RSF1: variants seen among roughly 807,000 people sequenced by gnomAD.
RSF1 encodes HBV pX-associated protein 8.
RSF1 carries 13 observed loss-of-function variants against 145.2 expected under a neutral mutation model. The ratio of observed to expected loss-of-function variants is 0.09; its 90% CI spans 0.06 to 0.14. The LOEUF is 0.14. Ranked by LOEUF, RSF1 falls within the 10% of genes least tolerant of loss-of-function variation. The probability of loss-of-function intolerance (pLI) is 1.00; values close to 1 mark genes in which losing one functional copy is unlikely to be tolerated. For synonymous variants in RSF1, 577 were observed against 592.6 expected (o/e 0.97, Z 0.38); for missense variants, 1,517 against 1,718.2 (o/e 0.88, Z 2.07).
Position 77,676,851 on chromosome 11 carries a change from C to T in RSF1, c.3282G>A (p.Leu1094=), listed in dbSNP as rs143056916. The part of the protein sequence containing the change: ...RRKKRRRLND[L]DSDSNLDEEE... ...CTTCATCCAGGTTGCTATCACTGTC[C>T]AGATCATTTAATCGCCGGCGTTTCT... The change falls in exon 13 of 16, where the codon CTG becomes CTA. Residue 1094 remains leucine, a synonymous_variant. Coordinates refer to ENST00000308488, the MANE Select transcript of RSF1 (RefSeq NM_016578.4). 9.6e-5 allele frequency: 155 copies of T among 1,614,000 alleles called. 2 individuals carry two copies. The African/African-American group carries it at 1.9e-3, about 20-fold the overall frequency.
At chr11:77,834,347 G>A in the RSF1 span, among the ~76,000 whole-genome samples, 1 of 150,904 alleles carries the variant, frequency 6.6e-6, no homozygotes, top group African/African-American at 2.4e-5. Context: ...GAAGATCAGA[G>A]AATCTCTTAA....
At chr11:77,719,659 G>A (rs925740562) in intron 5 of RSF1, among the ~76,000 whole-genome samples, 4 of 152,050 alleles carry the variant, frequency 2.6e-5, no homozygotes, top group South Asian at 2.1e-4. Context: ...AACATTCACC[G>A]CTGCATTATC....
At chr11:77,678,281 A>T in intron 11 of RSF1, 128 bp from the exon 12 acceptor site, 18 of 452,322 alleles carry the variant, frequency 4.0e-5, no homozygotes, top group Non-Finnish European at 6.4e-5. Flanking sequence ...CAGTGGCGCC[A>T]TCTCGGCTCA....
chr11:77,700,063 G>T (rs2135851785), intron 6 of RSF1, among the ~76,000 whole-genome samples: 1 of 151,888 alleles, frequency 6.6e-6, no homozygotes, highest in East Asian at 1.9e-4. Context: ...CATGAAAAAG[G>T]ACTGGAGGGC....
At chr11:77,870,591 C>A in the RSF1 span, among the ~76,000 whole-genome samples, 4 of 152,078 alleles carry the variant, frequency 2.6e-5, no homozygotes, top group Non-Finnish European at 5.9e-5. Flanking sequence ...CCTGCCTCAG[C>A]CTCCCAAAGT....
chr11:77,686,246 G>A (rs1050503828), intron 9 of RSF1, among the ~76,000 whole-genome samples: 1 of 151,266 alleles, frequency 6.6e-6, no homozygotes, highest in African/African-American at 2.4e-5. Context: ...TATAAAAATT[G>A]AAAAAATAAA....
chr11:77,661,669 T>C lies in RSF1; in HGVS notation c.*5248A>G, dbSNP rs770464275. The C allele has an allele frequency of 6.6e-6, 1 of 151,994 alleles. No individual in the cohort carries two copies. Among genetic ancestry groups the C allele is most frequent in the Non-Finnish European group, 1.5e-5 (1 of 67,978 alleles). The allele number at this position is 151,994 out of a possible 1,614,324, so 9.4% of individuals were successfully genotyped here. On this transcript the variant is annotated 3_prime_UTR_variant, in exon 16 of 16. Coordinates refer to ENST00000308488, the MANE Select transcript of RSF1 (RefSeq NM_016578.4). ...AGCATAAACACAATTGTAAAAAATCTACATCCTATTTTAGGGTATTTTCCC... is the reference window on the plus strand; with the variant it reads ...AGCATAAACACAATTGTAAAAAATCCACATCCTATTTTAGGGTATTTTCCC...
chr11:77,707,270 G>A (rs1232071191), intron 5 of RSF1, among the ~76,000 whole-genome samples: 1 of 152,186 alleles, frequency 6.6e-6, no homozygotes, highest in Non-Finnish European at 1.5e-5. Context: ...ACAAAAGCTA[G>A]TCTAAATGTT....
intron 4 of RSF1, chr11:77,734,721 C>A (rs1590857439): frequency 7.0e-7 from 1 of 1,435,132 alleles, no homozygotes; most frequent in Admixed American, 1.7e-5. Context: ...GTAATGCACA[C>A]TCCATCACAT....
the RSF1 span, among the ~76,000 whole-genome samples, chr11:77,843,898 G>A: frequency 6.6e-6 from 1 of 152,112 alleles, no homozygotes. Context: ...TTACATGGAT[G>A]GTGGCAGGCA....
chr11:77,760,840 G>C (rs1300533835), intron 2 of RSF1, among the ~76,000 whole-genome samples: 1 of 151,810 alleles, frequency 6.6e-6, no homozygotes, highest in Non-Finnish European at 1.5e-5. Context: ...TTACTTTCAG[G>C]GTACATATGA....
At chr11:77,777,346 C>T (rs2135951628) in intron 1 of RSF1, among the ~76,000 whole-genome samples, 1 of 152,156 alleles carries the variant, frequency 6.6e-6, no homozygotes, top group Non-Finnish European at 1.5e-5. Flanking sequence ...AATCCCAGCA[C>T]TTTTGGAGGC....
At chr11:77,745,013 C>T (rs1027467239) in intron 3 of RSF1, among the ~76,000 whole-genome samples, 12 of 152,110 alleles carry the variant, frequency 7.9e-5, no homozygotes, top group Non-Finnish European at 1.2e-4. Flanking sequence ...TCTATTTCTT[C>T]GTAATTCAGT....
intron 14 of RSF1, among the ~76,000 whole-genome samples, chr11:77,673,851 C>T (rs1046712372): frequency 2.0e-5 from 3 of 151,966 alleles, no homozygotes; most frequent in Non-Finnish European, 4.4e-5. Flanking sequence ...AACTGGGAAA[C>T]ATCTACAAAA....
At chr11:77,722,804 T>A (rs937844793) in intron 5 of RSF1, among the ~76,000 whole-genome samples, 1 of 152,222 alleles carries the variant, frequency 6.6e-6, no homozygotes, top group African/African-American at 2.4e-5. Context: ...AATCCCCCAT[T>A]ATCTACTATA....
Position 77,660,817 on chromosome 11 carries a change from A to T in RSF1, c.*6100T>A, listed in dbSNP as rs906310573. On this transcript the variant is annotated 3_prime_UTR_variant, in exon 16 of 16. Coordinates refer to ENST00000308488, the MANE Select transcript of RSF1 (RefSeq NM_016578.4). ...AAAAACTGACGCTGGCAACACATGA[A>T]TATAGCTTTGATTGAAATTATGACA... 3.3e-5 allele frequency: 5 copies of T among 152,174 alleles called. No homozygotes were observed. The highest frequency in any genetic ancestry group is 1.2e-4 in the African/African-American group (5 of 41,452). 9.4% of individuals were successfully genotyped at this position (152,174 alleles called of 1,614,324 possible).
chr11:77,813,968 A>G (rs978577811), intron 1 of RSF1, among the ~76,000 whole-genome samples: 1 of 152,154 alleles, frequency 6.6e-6, no homozygotes, highest in African/African-American at 2.4e-5. Context: ...TGAGAGGTGG[A>G]GGTGGCTGGA....
At position 77,662,375 on chromosome 11, in the gene RSF1, C is replaced by T. The variant is rs539978462; in HGVS notation, c.*4542G>A. 1.3e-5 allele frequency: 2 copies of T among 152,100 alleles called. No individual in the cohort carries two copies. The highest frequency in any genetic ancestry group is 2.1e-4 in the South Asian group (1 of 4,818). 9.4% of individuals were successfully genotyped at this position (152,100 alleles called of 1,614,324 possible). A position where few individuals can be genotyped will look rare whatever the true frequency, so the allele number is the denominator to read the frequency against. ...TCCACAAATTGGATCCTCTTCTAAT[C>T]GACTTCCAGGAGGGTTTGCATGAAT... On this transcript the variant is annotated 3_prime_UTR_variant, in exon 16 of 16. Transcript: ENST00000308488.
intron 4 of RSF1, among the ~76,000 whole-genome samples, chr11:77,730,635 G>A (rs1961182864): frequency 6.6e-6 from 1 of 152,208 alleles, no homozygotes; most frequent in Non-Finnish European, 1.5e-5. Context: ...ATCTTGAATT[G>A]TAACTCCCAC....
Sources: allele counts gnomAD v4.1 joint callset (sites outside exome capture counted in the v4.1 genomes callset), GRCh38; gene constraint gnomAD v4.1.1; transcripts MANE v1.5; gene names NCBI Gene and HGNC (gene_info 2026-07-23, HGNC 2026-07-21).